Variants in PAK2 observed in about 807,000 individuals in gnomAD.
PAK2 encodes the protein p21 (RAC1) activated kinase 2.
A neutral mutation model predicts 65.9 loss-of-function variants in PAK2; 21 were observed. That is an observed-to-expected ratio of 0.32 (90% CI 0.23 to 0.46). The LOEUF is 0.46. Among genes scored for constraint, PAK2 ranks in the 20% least tolerant of loss-of-function variants. The pLI, the probability that PAK2 is intolerant of heterozygous loss-of-function variation, is 1.00. For synonymous variants in PAK2, 204 were observed against 219.7 expected, an observed-to-expected ratio of 0.93 and a Z score of 0.63; for missense variants, 324 against 642.6, an observed-to-expected ratio of 0.50 and a Z score of 5.36.
chr3:196,777,095 A>G (rs935100505), intron 1 of PAK2, among the ~76,000 whole-genome samples: 1 of 152,208 alleles, frequency 6.6e-6, no homozygotes, highest in African/African-American at 2.4e-5. Flanking sequence ...CAGTCTTCTC[A>G]CTCAACTTAT....
At chr3:196,779,820 G>A (rs779062921) in intron 1 of PAK2, among the ~76,000 whole-genome samples, 16 of 152,100 alleles carry the variant, frequency 1.1e-4, no homozygotes, top group Non-Finnish European at 2.4e-4. Flanking sequence ...ACAGGCGTGC[G>A]CCACCACACC....
intron 1 of PAK2, among the ~76,000 whole-genome samples, chr3:196,752,758 G>A (rs754916588): frequency 6.6e-6 from 1 of 151,834 alleles, no homozygotes; most frequent in African/African-American, 2.4e-5. Flanking sequence ...GTACCACCAC[G>A]CCTGGCTAAT....
At position 196,812,827 on chromosome 3, in the gene PAK2, C is replaced by T. The variant is rs1715870964; in HGVS notation, c.911C>T (p.Pro304Leu). 1 of 1,518,262 alleles carries T rather than the reference C, an allele frequency of 6.6e-7. No individual in the cohort carries two copies. The highest frequency in any genetic ancestry group is 1.1e-5 in the South Asian group (1 of 88,708). The allele number at this position is 1,518,262 out of a possible 1,614,324, so 94.0% of individuals were successfully genotyped here. ...EILVMKELKN[P>L]NIVNFLDSYL... Reference sequence around the variant, plus strand: ...CTGGTGATGAAAGAATTGAAAAATCCCAACATCGTTAACTTTTTGGACAGG... The same window carrying T: ...CTGGTGATGAAAGAATTGAAAAATCTCAACATCGTTAACTTTTTGGACAGG... Residue 304 changes from proline to leucine, a missense_variant, in exon 10 of 15, where the codon CCC (proline) becomes CTC (leucine). Coordinates refer to ENST00000327134, the MANE Select transcript of PAK2 (RefSeq NM_002577.4).
intron 7 of PAK2, among the ~76,000 whole-genome samples, chr3:196,809,041 G>A (rs1020758706): frequency 6.7e-5 from 10 of 148,968 alleles, no homozygotes; most frequent in African/African-American, 1.7e-4. Context: ...GTTCAAGGCC[G>A]AACTATACAA....
At chr3:196,783,107 G>A (rs1005598051) in intron 2 of PAK2, among the ~76,000 whole-genome samples, 1 of 151,908 alleles carries the variant, frequency 6.6e-6, no homozygotes, top group Admixed American at 6.6e-5. Flanking sequence ...AATGAGATTT[G>A]TGACACTTGA....
intron 1 of PAK2, among the ~76,000 whole-genome samples, chr3:196,762,424 C>G (rs571085281): frequency 5.5e-5 from 8 of 144,530 alleles, no homozygotes; most frequent in African/African-American, 2.0e-4. Flanking sequence ...ACTGAGTGAA[C>G]GAGACTCCGT....
At chr3:196,810,414 T>C (rs1715737701) in intron 7 of PAK2, among the ~76,000 whole-genome samples, 176 bp from the exon 8 acceptor site, 1 of 152,242 alleles carries the variant, frequency 6.6e-6, no homozygotes, top group Non-Finnish European at 1.5e-5. Flanking sequence ...TAAACTTTTA[T>C]TATGTATTTA....
rs1712124467 is a variant in PAK2, at chr3:196,832,517, T to C, written c.*4112T>C. On this transcript the variant is annotated 3_prime_UTR_variant, in exon 15 of 15. Coordinates refer to ENST00000327134, the MANE Select transcript of PAK2 (RefSeq NM_002577.4). Reference sequence around the variant, plus strand: ...TGCATTTTTCCCTTTCCTAAACTTTTATTCTTTCTTTTGATCAGCGTAAAA... The same window carrying C: ...TGCATTTTTCCCTTTCCTAAACTTTCATTCTTTCTTTTGATCAGCGTAAAA... The C allele has an allele frequency of 6.6e-6, 1 of 152,178 alleles. No homozygotes were observed. The highest frequency in any genetic ancestry group is 2.4e-5 in the African/African-American group (1 of 41,468). The allele number at this position is 152,178 out of a possible 1,614,324, so 9.4% of individuals were successfully genotyped here.
chr3:196,779,011 A>G (rs1714625421), intron 1 of PAK2, among the ~76,000 whole-genome samples: 1 of 152,216 alleles, frequency 6.6e-6, no homozygotes, highest in Non-Finnish European at 1.5e-5. Flanking sequence ...CATGTTTGCC[A>G]GGTTTTTTCA....
intron 2 of PAK2, among the ~76,000 whole-genome samples, chr3:196,798,977 C>G (rs1195237863): frequency 2.6e-5 from 4 of 152,008 alleles, no homozygotes; most frequent in African/African-American, 4.8e-5. Context: ...CCTCTTAGAT[C>G]AGGAAAAATA....
chr3:196,810,959 C>A (rs1715763493), intron 8 of PAK2, among the ~76,000 whole-genome samples: 1 of 151,942 alleles, frequency 6.6e-6, no homozygotes, highest in Non-Finnish European at 1.5e-5. Flanking sequence ...TACTGCATGA[C>A]TATAAGCAAT....
At chr3:196,743,517 C>A (rs928163660) in intron 1 of PAK2, among the ~76,000 whole-genome samples, 4 of 152,138 alleles carry the variant, frequency 2.6e-5, no homozygotes, top group African/African-American at 9.7e-5. Context: ...TCTGTTCTTA[C>A]ATGCTGTAGA....
In PAK2 at chr3:196,831,861, G is replaced by GT. The variant is rs1712101013; in HGVS notation, c.*3462dup. 6.6e-6 allele frequency: 1 copy of GT among 152,128 alleles called. No homozygotes were observed. The highest frequency in any genetic ancestry group is 1.5e-5 in the Non-Finnish European group (1 of 68,028). The allele number at this position is 152,128 out of a possible 1,614,324, so 9.4% of individuals were successfully genotyped here. On this transcript the variant is annotated 3_prime_UTR_variant, in exon 15 of 15. Transcript: ENST00000327134. ...AAATCCAGATTAATACTCATTTGGGGTTTTTTATAGTGGAACTTCATAGTA... is the reference window on the plus strand; with the variant it reads ...AAATCCAGATTAATACTCATTTGGGGTTTTTTTATAGTGGAACTTCATAGTA...
intron 13 of PAK2, among the ~76,000 whole-genome samples, chr3:196,822,682 G>A (rs963204319): frequency 1.8e-4 from 27 of 151,972 alleles, no homozygotes; most frequent in Admixed American, 9.8e-4. Flanking sequence ...CTTGGGTGAC[G>A]GCTAGGACCT....
intron 8 of PAK2, 102 bp downstream of exon 8, chr3:196,810,755 G>A (rs889049417): frequency 1.5e-6 from 1 of 682,144 alleles, no homozygotes; most frequent in African/African-American, 1.8e-5. Flanking sequence ...TACTTATATA[G>A]TATTCTGTGA....
intron 1 of PAK2, among the ~76,000 whole-genome samples, chr3:196,759,357 C>T (rs1457084162): frequency 6.6e-6 from 1 of 151,998 alleles, no homozygotes; most frequent in Non-Finnish European, 1.5e-5. Context: ...TGTTTCAGGT[C>T]AGTTTCTCTT....
chr3:196,816,484 T>C (rs1354236779), intron 11 of PAK2, among the ~76,000 whole-genome samples: 1 of 152,214 alleles, frequency 6.6e-6, no homozygotes. Context: ...TTGTAATTGA[T>C]ATAAAAATTA....
At chr3:196,780,423 G>A (rs1176291185) in intron 1 of PAK2, among the ~76,000 whole-genome samples, 1 of 152,210 alleles carries the variant, frequency 6.6e-6, no homozygotes, top group African/African-American at 2.4e-5. Flanking sequence ...TTACGTGGAT[G>A]GTGGCAGGCA....
At chr3:196,746,708 G>C (rs2108706319) in intron 1 of PAK2, among the ~76,000 whole-genome samples, 1 of 152,032 alleles carries the variant, frequency 6.6e-6, no homozygotes, top group South Asian at 2.1e-4. Flanking sequence ...TACTCGGGAG[G>C]CTGAGGCAGG....
Sources: gnomAD v4.1 joint callset for allele counts (sites outside exome capture counted in the v4.1 genomes callset) on GRCh38, gnomAD v4.1.1 for gene constraint, MANE v1.5 for transcripts, NCBI Gene and HGNC (gene_info 2026-07-23, HGNC 2026-07-21) for gene names.